The following MAP4K4 variants were observed in gnomAD, a reference collection of about 807,000 sequenced individuals.
MAP4K4 encodes the protein HPK/GCK-like kinase HGK.
MAP4K4 carries 38 observed loss-of-function variants against 189.6 expected under a neutral mutation model. That is an observed-to-expected ratio of 0.20 (90% CI 0.15 to 0.26). The LOEUF is 0.26. MAP4K4 is among the 10% of genes least tolerant of loss of function. MAP4K4 has a pLI of 1.00. For synonymous variants in MAP4K4, 610 were observed against 624.3 expected (o/e 0.98, Z 0.34); for missense variants, 1,054 against 1,726.9 (o/e 0.61, Z 6.91).
At chr2:101,762,572 GT>G (rs942771383) in intron 2 of MAP4K4, among the ~76,000 whole-genome samples, 2 of 152,178 alleles carry the variant, frequency 1.3e-5, no homozygotes, top group Non-Finnish European at 2.9e-5. Flanking sequence ...TCTTGTAGAG[GT>G]AAAACGGCTA....
intron 2 of MAP4K4, among the ~76,000 whole-genome samples, chr2:101,734,674 A>T (rs2059704103): frequency 6.6e-6 from 1 of 152,136 alleles, no homozygotes; most frequent in Non-Finnish European, 1.5e-5. Flanking sequence ...CTTGGTGGCC[A>T]GTGGGCTGGT....
chr2:101,864,968 C>T (rs1244090960), exon 18 of MAP4K4: 1 of 1,579,388 alleles, frequency 6.3e-7, no homozygotes, highest in Non-Finnish European at 8.6e-7. Flanking sequence ...CTGTTCTGTC[C>T]CGTCGAGATT....
intron 28 of MAP4K4, among the ~76,000 whole-genome samples, chr2:101,883,932 G>A (rs375158216): frequency 7.9e-5 from 12 of 152,142 alleles, no homozygotes; most frequent in East Asian, 3.8e-4. Flanking sequence ...CTGTGTTTAT[G>A]TGAAGTATTT....
exon 5 of MAP4K4, chr2:101,825,339 G>T (rs1448146156): frequency 1.2e-6 from 2 of 1,612,056 alleles, no homozygotes; most frequent in South Asian, 1.1e-5. Flanking sequence ...AGTTCTGTGG[G>T]GCTGGGTCCA....
intron 2 of MAP4K4, among the ~76,000 whole-genome samples, chr2:101,734,411 G>T (rs2059613650): frequency 6.6e-6 from 1 of 152,178 alleles, no homozygotes; most frequent in Admixed American, 6.5e-5. Context: ...CTGTTGTGCT[G>T]AGTGGTAATT....
chr2:101,805,847 C>G (rs1267689067), intron 3 of MAP4K4, among the ~76,000 whole-genome samples: 1 of 152,210 alleles, frequency 6.6e-6, no homozygotes, highest in Admixed American at 6.5e-5. Flanking sequence ...GTGCAGCACT[C>G]TTTGGGATTC....
At position 101,757,465 on chromosome 2, in the gene MAP4K4, C is replaced by A. The variant is rs538988609; in HGVS notation, c.124-33255C>A. On this transcript the variant is annotated intron_variant, in intron 2 of 32. Transcript: ENST00000324219. ...AGCTCACAAATGGTAGAAGTCAAGA[C>A]CTGAACCCAGATCACATTTTAAAAA... 2.2e-3 allele frequency among the ~76,000 whole-genome samples: 337 copies of A among 152,226 alleles called. 1 individual carries two copies. Among genetic ancestry groups the A allele is most frequent in the African/African-American group, 7.7e-3 (319 of 41,542 alleles).
At chr2:101,828,953 C>A (rs1056458944) in intron 5 of MAP4K4, among the ~76,000 whole-genome samples, 4 of 152,186 alleles carry the variant, frequency 2.6e-5, no homozygotes, top group Non-Finnish European at 5.9e-5. Context: ...AAGAAAGATA[C>A]TTTATTTGAA....
chr2:101,777,805 G>C (rs1048636400), intron 2 of MAP4K4, among the ~76,000 whole-genome samples: 2 of 152,166 alleles, frequency 1.3e-5, no homozygotes, highest in African/African-American at 4.8e-5. Context: ...ATCTAGACCA[G>C]TGTCTTGTAT....
chr2:101,826,527 G>A (rs773861663), intron 5 of MAP4K4, among the ~76,000 whole-genome samples: 12 of 152,140 alleles, frequency 7.9e-5, no homozygotes, highest in East Asian at 1.9e-4. Flanking sequence ...GAGCCTAAAT[G>A]TGGGAAACTA....
chr2:101,748,067 C>A (rs2066569757), intron 2 of MAP4K4, among the ~76,000 whole-genome samples: 1 of 152,116 alleles, frequency 6.6e-6, no homozygotes, highest in Non-Finnish European at 1.5e-5. Flanking sequence ...AGTCTGTTTT[C>A]TATATCCTCT....
intron 2 of MAP4K4, among the ~76,000 whole-genome samples, chr2:101,724,503 CA>C (rs1422919297): frequency 6.6e-6 from 1 of 152,156 alleles, no homozygotes; most frequent in African/African-American, 2.4e-5. Context: ...AGGGATTTAA[CA>C]GAAGGTGATT....
intron 2 of MAP4K4, among the ~76,000 whole-genome samples, chr2:101,705,975 T>G (rs1358439734): frequency 6.6e-6 from 1 of 152,170 alleles, no homozygotes; most frequent in African/African-American, 2.4e-5. Context: ...TATGAACAAG[T>G]TATCCTATTA....
chr2:101,835,165 AT>A (rs1271757034), intron 8 of MAP4K4, among the ~76,000 whole-genome samples: 1 of 152,250 alleles, frequency 6.6e-6, no homozygotes, highest in African/African-American at 2.4e-5. Context: ...AACACCATAC[AT>A]TCCCCTGTGC....
chr2:101,834,261 C>T (rs1175322561), intron 7 of MAP4K4, 148 bp from the exon 8 acceptor site: 13 of 542,586 alleles, frequency 2.4e-5, no homozygotes, highest in Admixed American at 4.6e-5. Context: ...CCCTCCGCTC[C>T]GTAAGTTCTA....
At chr2:101,825,177 T>C in intron 4 of MAP4K4, 142 bp from the exon 5 acceptor site, 1 of 572,782 alleles carries the variant, frequency 1.7e-6, no homozygotes, top group Non-Finnish European at 3.1e-6. Flanking sequence ...CTTTCAGTTA[T>C]TTAGGTGCCT....
At chr2:101,877,175 T>C in intron 27 of MAP4K4, 29 bp downstream of exon 27, 3 of 1,611,264 alleles carry the variant, frequency 1.9e-6, no homozygotes, top group South Asian at 1.1e-5. Context: ...AACCAGAATA[T>C]GTGACACCAT....
chr2:101,798,025 C>T (rs906094448), intron 3 of MAP4K4, among the ~76,000 whole-genome samples: 1 of 150,194 alleles, frequency 6.7e-6, no homozygotes, highest in Non-Finnish European at 1.5e-5. Context: ...CTCAAATGAT[C>T]CCCCCCATCT....
chr2:101,875,072 C>T (rs1168469896), intron 26 of MAP4K4, among the ~76,000 whole-genome samples: 1 of 152,086 alleles, frequency 6.6e-6, no homozygotes, highest in Non-Finnish European at 1.5e-5. Context: ...GAAGATTGAC[C>T]AGGAAAATAT....
Sources: allele counts gnomAD v4.1 joint callset (sites outside exome capture counted in the v4.1 genomes callset), GRCh38; gene constraint gnomAD v4.1.1; transcripts MANE v1.5; gene names NCBI Gene and HGNC (gene_info 2026-07-23, HGNC 2026-07-21).